The following PYHIN1 variants were observed in gnomAD, a reference collection of about 807,000 sequenced individuals.
The protein encoded by PYHIN1 is pyrin and HIN domain family member 1.
Under a neutral mutation model 43.7 loss-of-function variants are expected in PYHIN1, and 32 were observed. The ratio of observed to expected loss-of-function variants is 0.73; its 90% CI spans 0.55 to 0.98. The LOEUF (loss-of-function observed/expected upper bound fraction) is 0.98, where lower values mean the gene tolerates loss of function less well. PYHIN1 is among the 50% of genes least tolerant of loss of function. The pLI, the probability that PYHIN1 is intolerant of heterozygous loss-of-function variation, is 0.00. For synonymous variants in PYHIN1, 205 were observed against 203.1 expected (o/e 1.01, Z -0.08); for missense variants, 588 against 589.5 (o/e 1.00, Z 0.03).
chr1:158,945,806 G>A (rs911363202), intron 7 of PYHIN1, among the ~76,000 whole-genome samples: 1 of 152,220 alleles, frequency 6.6e-6, no homozygotes, highest in Non-Finnish European at 1.5e-5. Context: ...CTGTGTTTGA[G>A]CATTTAACTA....
chr1:158,939,146 C>G lies in PYHIN1; in HGVS notation c.478C>G (p.Arg160Gly), dbSNP rs770477176. The change falls in exon 4 of 9, where the codon CGG becomes GGG. Residue 160 changes from arginine (R) to glycine (G), a missense_variant. By Grantham distance (125) the Arg-to-Gly change is moderately radical. Coordinates refer to ENST00000368140, the MANE Select transcript of PYHIN1 (RefSeq NM_152501.5). ...GAGTAAGATGTCCAAAGAGCAGACTCGGCCTTCCTGCTCTGCAGGAGCCAG... is the reference window on the plus strand; with the variant it reads ...GAGTAAGATGTCCAAAGAGCAGACTGGGCCTTCCTGCTCTGCAGGAGCCAG... ...KRSKMSKEQTRPSCSAGASTS... is the reference protein window; with the variant it reads ...KRSKMSKEQTGPSCSAGASTS... The G allele has an allele frequency of 6.2e-7, 1 of 1,613,718 alleles. No homozygotes were observed. Among genetic ancestry groups the G allele is most frequent in the Non-Finnish European group, 8.5e-7 (1 of 1,179,918 alleles).
intron 7 of PYHIN1, among the ~76,000 whole-genome samples, chr1:158,949,998 G>T (rs1168990196): frequency 1.3e-5 from 2 of 152,182 alleles, no homozygotes; most frequent in African/African-American, 4.8e-5. Context: ...AAGGATAGTG[G>T]AGTGATATGT....
intron 8 of PYHIN1, among the ~76,000 whole-genome samples, chr1:158,975,475 A>G (rs553239622): frequency 3.3e-5 from 5 of 152,246 alleles, no homozygotes; most frequent in Middle Eastern, 3.4e-3. Context: ...AAGAGGATCA[A>G]CATAAATCAT....
downstream of PYHIN1, among the ~76,000 whole-genome samples, chr1:158,981,325 G>A (rs1651476326): frequency 6.6e-6 from 1 of 152,102 alleles, no homozygotes; most frequent in African/African-American, 2.4e-5. Flanking sequence ...CAAAAACTTA[G>A]CCTTTTGTGG....
chr1:158,949,332 AC>A (rs1257456848), intron 7 of PYHIN1, among the ~76,000 whole-genome samples: 1 of 151,916 alleles, frequency 6.6e-6, no homozygotes, highest in African/African-American at 2.4e-5. Flanking sequence ...CCCATGACAG[AC>A]CTCCCAGCTA....
At chr1:158,986,694 C>T in the PYHIN1 span, among the ~76,000 whole-genome samples, 1 of 152,154 alleles carries the variant, frequency 6.6e-6, no homozygotes, top group Non-Finnish European at 1.5e-5. Flanking sequence ...TCTATCCAGC[C>T]CTTGCAGCCA....
the PYHIN1 span, among the ~76,000 whole-genome samples, chr1:158,984,301 C>A: frequency 1.3e-5 from 2 of 151,970 alleles, no homozygotes; most frequent in Non-Finnish European, 2.9e-5. Flanking sequence ...AAACTTTTCT[C>A]TTAACACTGC....
intron 8 of PYHIN1, among the ~76,000 whole-genome samples, chr1:158,976,375 C>T (rs547232837): frequency 1.3e-5 from 2 of 152,128 alleles, no homozygotes; most frequent in East Asian, 3.9e-4. Context: ...CCTTTCTGCC[C>T]AATGAGAAGT....
intron 7 of PYHIN1, among the ~76,000 whole-genome samples, chr1:158,958,580 G>C (rs1650111423): frequency 7.5e-6 from 1 of 133,834 alleles, no homozygotes. Flanking sequence ...CACAGGAAGG[G>C]GAATATCACA....
chr1:158,949,881 C>T (rs556595953), intron 7 of PYHIN1, among the ~76,000 whole-genome samples: 2 of 152,334 alleles, frequency 1.3e-5, no homozygotes, highest in African/African-American at 4.8e-5. Context: ...TTTGAGGCTG[C>T]CTGCAGCTAA....
At chr1:158,980,254 C>A (rs147687302), downstream of PYHIN1, among the ~76,000 whole-genome samples, 1 of 152,072 alleles carries the variant, frequency 6.6e-6, no homozygotes, top group Admixed American at 6.6e-5. Context: ...ATCTCAGGAC[C>A]ACTGTGATAA....
chr1:158,939,438 A>C (rs1160941348), intron 4 of PYHIN1, 191 bp downstream of exon 4: 2 of 1,552,706 alleles, frequency 1.3e-6, no homozygotes, highest in Non-Finnish European at 1.7e-6. Flanking sequence ...CTCTGACTGC[A>C]GGAAGTTTTC....
intron 3 of PYHIN1, 144 bp from the exon 4 acceptor site, chr1:158,938,936 A>T (rs1197247358): frequency 1.3e-5 from 7 of 547,210 alleles, no homozygotes; most frequent in Non-Finnish European, 2.1e-5. Context: ...CATCTATGCC[A>T]TGTTCTTTCA....
chr1:158,943,604 T>G (rs1289270283), intron 5 of PYHIN1, among the ~76,000 whole-genome samples, 186 bp from the exon 6 acceptor site: 1 of 152,142 alleles, frequency 6.6e-6, no homozygotes, highest in Non-Finnish European at 1.5e-5. Context: ...CATTAAGGAC[T>G]TAAACAAAAA....
At chr1:158,952,562 G>A (rs1161515942) in intron 7 of PYHIN1, among the ~76,000 whole-genome samples, 1 of 152,088 alleles carries the variant, frequency 6.6e-6, no homozygotes, top group Admixed American at 6.5e-5. Flanking sequence ...ATTTTGGCTT[G>A]GTGATATTGG....
At chr1:158,955,340 A>C (rs1341069727) in intron 7 of PYHIN1, among the ~76,000 whole-genome samples, 2 of 150,712 alleles carry the variant, frequency 1.3e-5, no homozygotes, top group South Asian at 2.1e-4. Context: ...AAAATTGACC[A>C]CATACTTGGA....
chr1:158,939,285 C>T, intron 4 of PYHIN1, 38 bp downstream of exon 4: 1 of 1,580,744 alleles, frequency 6.3e-7, no homozygotes, highest in Non-Finnish European at 8.6e-7. Flanking sequence ...TCATTTTCTT[C>T]AACCCAAAAT....
chr1:158,979,469 T>G (rs1211752309), downstream of PYHIN1, among the ~76,000 whole-genome samples: 3 of 149,898 alleles, frequency 2.0e-5, no homozygotes, highest in Admixed American at 2.0e-4. Context: ...CTGTAACTAT[T>G]GCAGAATTTC....
chr1:158,975,144 G>T (rs1027815303), intron 8 of PYHIN1, among the ~76,000 whole-genome samples: 2 of 152,016 alleles, frequency 1.3e-5, no homozygotes, highest in African/African-American at 2.4e-5. Context: ...TCCACAGGAT[G>T]CCTGGAAAAT....
Sources: allele counts gnomAD v4.1 joint callset (sites outside exome capture counted in the v4.1 genomes callset), GRCh38; gene constraint gnomAD v4.1.1; transcripts MANE v1.5; gene names NCBI Gene and HGNC (gene_info 2026-07-23, HGNC 2026-07-21).